The following GRHL2 variants were observed in gnomAD, a reference collection of about 807,000 sequenced individuals.
GRHL2 encodes the protein grainyhead like transcription factor 2.
Under a neutral mutation model 83.8 loss-of-function variants are expected in GRHL2, and 21 were observed. That is an observed-to-expected ratio of 0.25 (90% CI 0.18 to 0.36). The LOEUF is 0.36. GRHL2 is among the 10% of genes least tolerant of loss of function. The pLI is 1.00. For missense variants in GRHL2, 623 were observed against 781.8 expected (o/e 0.80, Z 2.42); for synonymous variants, 280 against 278.9 (o/e 1.00, Z -0.04).
chr8:101,520,775 C>T (rs1296302385), intron 1 of GRHL2, among the ~76,000 whole-genome samples: 2 of 152,202 alleles, frequency 1.3e-5, no homozygotes, highest in African/African-American at 4.8e-5. Flanking sequence ...CCTCTTCCTT[C>T]TTGAAACATT....
intron 7 of GRHL2, among the ~76,000 whole-genome samples, chr8:101,583,688 AG>A (rs1812104552): frequency 6.6e-6 from 1 of 152,254 alleles, no homozygotes; most frequent in Non-Finnish European, 1.5e-5. Flanking sequence ...AAATAAAAAA[AG>A]TTAACTAGAC....
rs562177856 is a variant in GRHL2, at chr8:101,590,092, C to T, written c.1004-8965C>T. Among the ~76,000 whole-genome samples, 5 of 152,152 alleles carry T rather than the reference C, an allele frequency of 3.3e-5. No homozygotes were observed. The East Asian group carries it at 9.7e-4, about 29-fold the overall frequency. On this transcript the variant is annotated intron_variant, in intron 7 of 15. Coordinates refer to ENST00000646743, the MANE Select transcript of GRHL2 (RefSeq NM_024915.4). The stretch of plus-strand genomic sequence containing the variant: ...AAGTATGTATGTTTAGCACAGGGCT[C>T]TCAAAAAATGGTGGCCATTATTATT...
the GRHL2 span, among the ~76,000 whole-genome samples, chr8:101,679,703 T>C: frequency 0.46 from 68,554 of 150,236 alleles, 16,704 homozygotes; most frequent in African/African-American, 0.59. Flanking sequence ...CAAAGGGAAG[T>C]CCATCAGACT....
intron 4 of GRHL2, among the ~76,000 whole-genome samples, chr8:101,567,436 A>G (rs1811739953): frequency 6.6e-6 from 1 of 152,204 alleles, no homozygotes; most frequent in South Asian, 2.1e-4. Flanking sequence ...CTAATTCCTA[A>G]TACTAATTTA....
the GRHL2 span, among the ~76,000 whole-genome samples, chr8:101,675,324 C>T: frequency 1.3e-5 from 2 of 152,058 alleles, no homozygotes; most frequent in African/African-American, 4.8e-5. Flanking sequence ...CGTCTCAGCT[C>T]AAAATCTCCT....
At chr8:101,608,586 G>A (rs1279273163) in intron 8 of GRHL2, among the ~76,000 whole-genome samples, 1 of 144,046 alleles carries the variant, frequency 6.9e-6, no homozygotes, top group African/African-American at 2.9e-5. Context: ...GAAGAGAGAG[G>A]CAGCTCCATT....
chr8:101,526,216 C>G (rs967413899), intron 1 of GRHL2, among the ~76,000 whole-genome samples: 7 of 152,124 alleles, frequency 4.6e-5, no homozygotes, highest in Non-Finnish European at 1.0e-4. Context: ...CACCAAAATT[C>G]AAAACTGGTA....
intron 5 of GRHL2, among the ~76,000 whole-genome samples, chr8:101,572,745 A>G (rs1586107421): frequency 6.6e-6 from 1 of 152,106 alleles, no homozygotes; most frequent in Non-Finnish European, 1.5e-5. Flanking sequence ...GTGTTATTTT[A>G]AATAATTGAT....
chr8:101,594,697 G>A lies in GRHL2; in HGVS notation c.1004-4360G>A, dbSNP rs75985818. Among the ~76,000 whole-genome samples, 343 of 152,288 alleles carry A rather than the reference G, an allele frequency of 2.3e-3. 8 individuals carry two copies. In the East Asian group the frequency reaches 0.057, roughly 25 times the overall value. The stretch of plus-strand genomic sequence containing the variant: ...GCAGACATTTCTTGTATGGTATAAG[G>A]CTAGAGAGGAGTGCATGACATTAGT... On this transcript the variant is annotated intron_variant, in intron 7 of 15. Transcript: ENST00000646743.
At chr8:101,622,914 C>T (rs1485046699) in intron 9 of GRHL2, among the ~76,000 whole-genome samples, 5 of 152,212 alleles carry the variant, frequency 3.3e-5, no homozygotes, top group Admixed American at 1.3e-4. Context: ...TTACCTCCCA[C>T]ATATCAGTGA....
chr8:101,554,736 G>T lies in GRHL2; in HGVS notation c.284+1954G>T, dbSNP rs554152933. 2.6e-5 allele frequency among the ~76,000 whole-genome samples: 4 copies of T among 152,282 alleles called. 1 individual carries two copies. In the South Asian group the frequency reaches 8.3e-4, roughly 32 times the overall value. On this transcript the variant is annotated intron_variant, in intron 3 of 15. Coordinates refer to ENST00000646743, the MANE Select transcript of GRHL2 (RefSeq NM_024915.4). The stretch of plus-strand genomic sequence containing the variant: ...TAACAGAATCTCAATGACATGATCC[G>T]AATTTTCTAAAAAGTATGTTTAACA...
chr8:101,494,843 C>T (rs574336085), intron 1 of GRHL2, among the ~76,000 whole-genome samples: 1 of 152,306 alleles, frequency 6.6e-6, no homozygotes, highest in South Asian at 2.1e-4. Flanking sequence ...TGATAAGTAT[C>T]TGGGATTACA....
At chr8:101,567,459 T>C (rs1811740394) in intron 4 of GRHL2, among the ~76,000 whole-genome samples, 1 of 152,244 alleles carries the variant, frequency 6.6e-6, no homozygotes, top group African/African-American at 2.4e-5. Context: ...TACAGCCATG[T>C]AACCCATCAA....
At chr8:101,579,038 C>T (rs2130246940) in intron 7 of GRHL2, among the ~76,000 whole-genome samples, 1 of 152,304 alleles carries the variant, frequency 6.6e-6, no homozygotes, top group Middle Eastern at 3.4e-3. Context: ...GACTCCCCCT[C>T]AGATAATTAG....
intron 11 of GRHL2, 55 bp from the exon 12 acceptor site, chr8:101,636,842 A>G: frequency 6.6e-7 from 1 of 1,523,328 alleles, no homozygotes; most frequent in Non-Finnish European, 9.1e-7. Flanking sequence ...ATCACGTAAT[A>G]TTTTTTCCAT....
chr8:101,594,436 T>G (rs781149110), intron 7 of GRHL2, among the ~76,000 whole-genome samples: 15 of 152,226 alleles, frequency 9.9e-5, no homozygotes, highest in Admixed American at 3.3e-4. Context: ...GAGTTTCCAT[T>G]CCTACCGTGG....
At chr8:101,520,938 G>A (rs1810670015) in intron 1 of GRHL2, among the ~76,000 whole-genome samples, 1 of 152,048 alleles carries the variant, frequency 6.6e-6, no homozygotes, top group African/African-American at 2.4e-5. Context: ...ATTTGTGTTT[G>A]AATACTTTCA....
chr8:101,614,945 A>G (rs564254551), intron 8 of GRHL2, among the ~76,000 whole-genome samples: 4 of 152,308 alleles, frequency 2.6e-5, no homozygotes, highest in African/African-American at 7.2e-5. Flanking sequence ...AACAATGCCA[A>G]CCCTATTATA....
chr8:101,632,426 A>G (rs1813204515), intron 11 of GRHL2, 61 bp downstream of exon 11: 2 of 1,596,604 alleles, frequency 1.3e-6, no homozygotes, highest in East Asian at 4.5e-5. Context: ...GGGCTTTAAG[A>G]TAGAAGCATT....
Sources: gnomAD v4.1 joint callset for allele counts (sites outside exome capture counted in the v4.1 genomes callset) on GRCh38, gnomAD v4.1.1 for gene constraint, MANE v1.5 for transcripts, NCBI Gene and HGNC (gene_info 2026-07-23, HGNC 2026-07-21) for gene names.